Variants in TMEM178B observed in about 807,000 individuals in gnomAD.
TMEM178B encodes transmembrane protein 178B.
TMEM178B carries 5 observed loss-of-function variants against 31.0 expected under a neutral mutation model. The ratio of observed to expected loss-of-function variants is 0.16; its 90% CI spans 0.08 to 0.34. The LOEUF (loss-of-function observed/expected upper bound fraction) is 0.34, where lower values mean the gene tolerates loss of function less well. Ranked by LOEUF, TMEM178B falls within the 10% of genes least tolerant of loss-of-function variation. TMEM178B has a pLI of 1.00. For missense variants in TMEM178B, 275 were observed against 400.3 expected (o/e 0.69, Z 2.67); for synonymous variants, 164 against 164.0 (o/e 1.00, Z 0.00).
intron 2 of TMEM178B, among the ~76,000 whole-genome samples, chr7:141,213,203 G>A (rs1403342675): frequency 6.6e-6 from 1 of 152,122 alleles, no homozygotes; most frequent in East Asian, 1.9e-4. Flanking sequence ...TTAAAGCTAC[G>A]GTTTACCCTC....
At chr7:141,215,610 G>GCCA (rs1373167156) in intron 2 of TMEM178B, among the ~76,000 whole-genome samples, 1 of 152,158 alleles carries the variant, frequency 6.6e-6, no homozygotes, top group South Asian at 2.1e-4. Flanking sequence ...ACAGGCATGA[G>GCCA]CCACCGTGCC....
intron 1 of TMEM178B, among the ~76,000 whole-genome samples, chr7:141,139,771 T>G (rs926031677): frequency 6.6e-6 from 1 of 152,118 alleles, no homozygotes; most frequent in African/African-American, 2.4e-5. Context: ...ATGAAGTTTT[T>G]TTTTTTTTTG....
intron 1 of TMEM178B, among the ~76,000 whole-genome samples, chr7:141,104,252 G>A (rs1352964795): frequency 6.6e-6 from 1 of 152,190 alleles, no homozygotes; most frequent in Admixed American, 6.5e-5. Context: ...GGCCCCTGCT[G>A]TAGAGGTGAA....
At chr7:141,081,819 G>A (rs1024730222) in intron 1 of TMEM178B, among the ~76,000 whole-genome samples, 2 of 152,178 alleles carry the variant, frequency 1.3e-5, no homozygotes, top group Non-Finnish European at 2.9e-5. Flanking sequence ...GTAGTGTACA[G>A]TAATGTCCTA....
At chr7:141,176,583 G>A (rs1352572832) in intron 1 of TMEM178B, among the ~76,000 whole-genome samples, 1 of 152,126 alleles carries the variant, frequency 6.6e-6, no homozygotes, top group African/African-American at 2.4e-5. Context: ...GAATCCGTCT[G>A]GTCCTGGACT....
chr7:141,128,659 A>C (rs941673944), intron 1 of TMEM178B, among the ~76,000 whole-genome samples: 1 of 152,142 alleles, frequency 6.6e-6, no homozygotes, highest in African/African-American at 2.4e-5. Context: ...AACCATCTGG[A>C]GGGCAGAATT....
chr7:141,253,636 C>T (rs867490340), intron 2 of TMEM178B, among the ~76,000 whole-genome samples: 10 of 149,902 alleles, frequency 6.7e-5, no homozygotes, highest in Non-Finnish European at 1.3e-4. Flanking sequence ...CGGCAACCTC[C>T]GCCTCCCAGG....
At chr7:141,084,865 A>C (rs1010886661) in intron 1 of TMEM178B, among the ~76,000 whole-genome samples, 3 of 152,140 alleles carry the variant, frequency 2.0e-5, no homozygotes, top group Non-Finnish European at 2.9e-5. Flanking sequence ...AGATGAAAAA[A>C]GTGTATTGTT....
Position 141,463,235 on chromosome 7 carries a change from T to A in TMEM178B, c.635-7301T>A, listed in dbSNP as rs542501133. Among the ~76,000 whole-genome samples, 73 of 152,262 alleles carry A rather than the reference T, an allele frequency of 4.8e-4. 1 individual carries two copies. Among genetic ancestry groups the A allele is most frequent in the African/African-American group, 1.7e-3 (69 of 41,556 alleles). On this transcript the variant is annotated intron_variant, in intron 3 of 3. Coordinates refer to ENST00000565468, the MANE Select transcript of TMEM178B (RefSeq NM_001195278.2). The stretch of plus-strand genomic sequence containing the variant: ...CTGCGACTGGCTGGCTCCAGCTAGC[T>A]GCCTGGAGGACTGGGTTGAGTAGGA...
intron 2 of TMEM178B, among the ~76,000 whole-genome samples, chr7:141,237,688 T>TA (rs1311026096): frequency 6.6e-6 from 1 of 152,118 alleles, no homozygotes; most frequent in African/African-American, 2.4e-5. Flanking sequence ...TGAAGTAAAA[T>TA]AATAACAACC....
rs1282626666 is a variant in TMEM178B at position 141,190,187 on chromosome 7, C to CCA, written c.383-22403_383-22402dup. On this transcript the variant is annotated intron_variant, in intron 1 of 3. Transcript: ENST00000565468. Reference sequence around the variant, plus strand: ...AAATGCACTTAATATACCTAACCTACCAAACATCATAGCTTAGCTTAGCCT... The same window carrying CCA: ...AAATGCACTTAATATACCTAACCTACCACAAACATCATAGCTTAGCTTAGCCT... Among the ~76,000 whole-genome samples the CCA allele has an allele frequency of 8.5e-5, 13 of 152,302 alleles. No individual in the cohort carries two copies. The East Asian group carries it at 2.5e-3, about 29-fold the overall frequency.
intron 3 of TMEM178B, among the ~76,000 whole-genome samples, chr7:141,467,275 A>G (rs1255649538): frequency 1.3e-5 from 2 of 152,140 alleles, no homozygotes; most frequent in African/African-American, 2.4e-5. Context: ...AAAAACTATG[A>G]TGTTCTGTAA....
the TMEM178B span, among the ~76,000 whole-genome samples, chr7:141,510,379 G>GAGCA: frequency 6.6e-6 from 1 of 152,090 alleles, no homozygotes; most frequent in African/African-American, 2.4e-5. Flanking sequence ...AAAGGAAGAA[G>GAGCA]AGATCTATAA....
chr7:141,223,460 G>A (rs1476694769), intron 2 of TMEM178B, among the ~76,000 whole-genome samples: 2 of 144,490 alleles, frequency 1.4e-5, no homozygotes, highest in Non-Finnish European at 3.0e-5. Context: ...TGGAGCTGAT[G>A]TTCTCTGCTG....
chr7:141,172,177 A>G (rs746040217), intron 1 of TMEM178B, among the ~76,000 whole-genome samples: 1 of 152,162 alleles, frequency 6.6e-6, no homozygotes, highest in Non-Finnish European at 1.5e-5. Context: ...GTGAACATAA[A>G]GTAGTCTATT....
chr7:141,298,389 T>C lies in TMEM178B; in HGVS notation c.496+85685T>C, dbSNP rs554688852. Among the ~76,000 whole-genome samples, 88 of 152,352 alleles carry C rather than the reference T, an allele frequency of 5.8e-4. 1 individual carries two copies. The highest frequency in any genetic ancestry group is 2.0e-3 in the African/African-American group (82 of 41,588). The stretch of plus-strand genomic sequence containing the variant: ...AGATCCCATTTGTCAATTTTGGCTT[T>C]TGTTGCTAAAACATACTCCTGTCCT... On this transcript the variant is annotated intron_variant, in intron 2 of 3. Transcript: ENST00000565468.
At chr7:141,346,285 T>TA (rs1251226303) in intron 2 of TMEM178B, among the ~76,000 whole-genome samples, 3 of 151,858 alleles carry the variant, frequency 2.0e-5, no homozygotes, top group Non-Finnish European at 4.4e-5. Context: ...TAGATGAATA[T>TA]AAAAAACAGT....
At chr7:141,147,438 G>A (rs746753319) in intron 1 of TMEM178B, among the ~76,000 whole-genome samples, 2 of 152,186 alleles carry the variant, frequency 1.3e-5, no homozygotes, top group African/African-American at 2.4e-5. Context: ...AAGGAGGGAT[G>A]TGTTAAGATT....
chr7:141,133,758 C>T (rs535158205), intron 1 of TMEM178B, among the ~76,000 whole-genome samples: 1 of 152,124 alleles, frequency 6.6e-6, no homozygotes, highest in East Asian at 1.9e-4. Flanking sequence ...TAGATTCAAC[C>T]CAAGAAGATC....
Sources: allele counts gnomAD v4.1 joint callset (sites outside exome capture counted in the v4.1 genomes callset), GRCh38; gene constraint gnomAD v4.1.1; transcripts MANE v1.5; gene names NCBI Gene and HGNC (gene_info 2026-07-23, HGNC 2026-07-21).